SMAD4: variants seen among roughly 807,000 people sequenced by gnomAD.
SMAD4 encodes SMAD family member 4.
In SMAD4, 7 loss-of-function variants were observed where a neutral mutation model predicts 63.2. That is an observed-to-expected ratio of 0.11 (90% CI 0.06 to 0.21). The LOEUF (loss-of-function observed/expected upper bound fraction) is 0.21. Among genes scored for constraint, SMAD4 ranks in the 10% least tolerant of loss-of-function variants. The pLI is 1.00. For missense variants in SMAD4, 312 were observed against 693.8 expected (o/e 0.45, Z 6.18); for synonymous variants, 215 against 235.4 (o/e 0.91, Z 0.79).
At chr18:51,068,310 A>C (rs1340722805) in intron 10 of SMAD4, among the ~76,000 whole-genome samples, 1 of 152,210 alleles carries the variant, frequency 6.6e-6, no homozygotes, top group African/African-American at 2.4e-5. Flanking sequence ...GCACTTTACC[A>C]ATCTTTAATG....
At position 51,049,335 on chromosome 18, in the gene SMAD4, T is replaced by C. The variant is rs1171693797; in HGVS notation, c.454+11T>C. ...CACTGCAGAGTAATGGTAGGTAATC[T>C]GTTTCTTACTACTTTCTCTTTGTTT... On this transcript the variant is annotated intron_variant, in intron 4 of 11. Transcript: ENST00000342988. The C allele has an allele frequency of 6.3e-7, 1 of 1,591,340 alleles. No homozygotes were observed. Among genetic ancestry groups the C allele is most frequent in the Middle Eastern group, 1.7e-4 (1 of 5,934 alleles).
intron 1 of SMAD4, among the ~76,000 whole-genome samples, chr18:51,041,735 G>T (rs1002731491): frequency 3.9e-5 from 6 of 152,202 alleles, no homozygotes; most frequent in Non-Finnish European, 8.8e-5. Context: ...ATGTAGAAAT[G>T]GAGCCTTTGT....
At chr18:51,048,883 C>G (rs746178972) in intron 3 of SMAD4, 23 bp downstream of exon 3, 1 of 1,597,106 alleles carries the variant, frequency 6.3e-7, no homozygotes, top group Middle Eastern at 1.9e-4. Flanking sequence ...TGCTTTCATC[C>G]TAAGAAACAT....
intron 10 of SMAD4, among the ~76,000 whole-genome samples, chr18:51,068,882 C>T (rs1000798034): frequency 2.0e-5 from 3 of 152,152 alleles, no homozygotes; most frequent in Admixed American, 1.3e-4. Context: ...GATCATGCCA[C>T]TGTGCTCCAG....
chr18:51,054,569 G>C (rs1909789924), intron 4 of SMAD4: 3 of 537,880 alleles, frequency 5.6e-6, no homozygotes, highest in Non-Finnish European at 9.9e-6. Context: ...CAGATTGATT[G>C]ATAAAATATA....
intron 7 of SMAD4, among the ~76,000 whole-genome samples, chr18:51,059,522 A>T (rs1909947760): frequency 6.6e-6 from 1 of 152,272 alleles, no homozygotes; most frequent in Admixed American, 6.5e-5. Context: ...TAGACCTAAC[A>T]GTTTATTATT....
At chr18:51,076,979 A>C (rs1237402679) in intron 11 of SMAD4, 1 of 495,012 alleles carries the variant, frequency 2.0e-6, no homozygotes, top group African/African-American at 2.0e-5. Context: ...TTTTGTATCA[A>C]AAATGGAGTA....
chr18:51,073,456 A>T (rs867867567), intron 10 of SMAD4, among the ~76,000 whole-genome samples: 23 of 146,360 alleles, frequency 1.6e-4, no homozygotes, highest in Middle Eastern at 3.2e-3. Context: ...AGTGATGATT[A>T]AAAAAAAGTA....
intron 4 of SMAD4, 198 bp from the exon 5 acceptor site, chr18:51,054,583 C>T: frequency 1.8e-6 from 1 of 568,024 alleles, no homozygotes; most frequent in East Asian, 3.0e-5. Flanking sequence ...AAATATATCT[C>T]ATGCTGTTAC....
rs186933751 is a variant in SMAD4, at chr18:51,065,994, G to A, written c.1139+388G>A. On this transcript the variant is annotated intron_variant, in intron 9 of 11. Coordinates refer to ENST00000342988, the MANE Select transcript of SMAD4 (RefSeq NM_005359.6). ...TGTTAAAAAAATTGGTAATAAAAGG[G>A]AAATGGTTAAGTAAATTATGATAAA... is the stretch of plus-strand genomic sequence containing the variant. 0.013 allele frequency among the ~76,000 whole-genome samples: 2,000 copies of A among 152,238 alleles called. 17 individuals are homozygous for A. The highest frequency in any genetic ancestry group is 0.027 in the Middle Eastern group (8 of 294).
intron 5 of SMAD4, among the ~76,000 whole-genome samples, chr18:51,055,939 G>A (rs554526712): frequency 2.0e-5 from 3 of 152,192 alleles, no homozygotes; most frequent in Admixed American, 6.5e-5. Flanking sequence ...ACTGATTTCT[G>A]TAATTGTGAG....
At chr18:51,075,065 T>A (rs1358873037) in intron 10 of SMAD4, among the ~76,000 whole-genome samples, 1 of 152,202 alleles carries the variant, frequency 6.6e-6, no homozygotes. Flanking sequence ...AATACATATA[T>A]GTATATTGGA....
intron 10 of SMAD4, 52 bp downstream of exon 10, chr18:51,067,239 C>A: frequency 9.7e-7 from 1 of 1,031,644 alleles, no homozygotes. Flanking sequence ...TATTTGTTGT[C>A]AAAAGAATTG....
In SMAD4 at chr18:51,081,737, C is replaced by T. The variant is rs1185663262; in HGVS notation, c.*3270C>T. On this transcript the variant is annotated 3_prime_UTR_variant, in exon 12 of 12. Transcript: ENST00000342988. ...TTGAAGGCAAAATAAAATGTCCTGTCTCCCAGATGATATACATCTTATTAT... is the reference window on the plus strand; with the variant it reads ...TTGAAGGCAAAATAAAATGTCCTGTTTCCCAGATGATATACATCTTATTAT... 1.3e-5 allele frequency: 3 copies of T among 232,816 alleles called. No homozygotes were observed. The highest frequency in any genetic ancestry group is 1.7e-5 in the Non-Finnish European group (2 of 117,808). The allele number at this position is 232,816 out of a possible 1,614,324, so 14.4% of individuals were successfully genotyped here.
At chr18:51,060,223 A>G (rs1909971452) in intron 8 of SMAD4, among the ~76,000 whole-genome samples, 1 of 152,222 alleles carries the variant, frequency 6.6e-6, no homozygotes, top group Non-Finnish European at 1.5e-5. Flanking sequence ...TTCAAAATAG[A>G]ACAGCTGTAA....
rs781461730 is a variant in SMAD4 at position 51,079,218 on chromosome 18, A to G, written c.*751A>G. The G allele has an allele frequency of 2.1e-5, 5 of 232,892 alleles. No individual in the cohort carries two copies. The highest frequency in any genetic ancestry group is 4.2e-5 in the Non-Finnish European group (5 of 117,894). The allele number at this position is 232,892 out of a possible 1,614,324, so 14.4% of individuals were successfully genotyped here. A position where few individuals can be genotyped will look rare whatever the true frequency, so the allele number is the denominator to read the frequency against. On this transcript the variant is annotated 3_prime_UTR_variant, in exon 12 of 12. Transcript: ENST00000342988. ...TGATGAAGTATACTTTTCCCCTGTT[A>G]AACAGTAGTTGTATTCTTCTGTATT...
chr18:51,042,379 C>T (rs1352109374), intron 1 of SMAD4, among the ~76,000 whole-genome samples: 1 of 138,928 alleles, frequency 7.2e-6, no homozygotes, highest in Non-Finnish European at 1.5e-5. Flanking sequence ...CTTCCTCCCT[C>T]CCTGCCTCCC....
chr18:51,065,433 T>C lies in SMAD4; in HGVS notation c.966T>C (p.Tyr322=), dbSNP rs1465916558. The change falls in exon 9 of 12, where the codon TAT becomes TAC. Residue 322 remains tyrosine (Y), a synonymous_variant. Transcript: ENST00000342988. ...ATTTATTTCCTATAGCTCCTGAGTA[T>C]TGGTGTTCCATTGCTTACTTTGAAA... The part of the protein sequence containing the change: ...PPISNHPAPE[Y]WCSIAYFEMD... The C allele has an allele frequency of 5.0e-6, 8 of 1,613,494 alleles. No individual in the cohort carries two copies. The African/African-American group carries it at 6.7e-5, about 13-fold the overall frequency.
Position 51,030,886 on chromosome 18 carries a change from G to C in SMAD4, c.-128+263G>C, listed in dbSNP as rs149534722. 4.9e-3 allele frequency among the ~76,000 whole-genome samples: 741 copies of C among 151,786 alleles called. 1 individual carries two copies. Among genetic ancestry groups the C allele is most frequent in the Non-Finnish European group, 7.7e-3 (525 of 67,822 alleles). On this transcript the variant is annotated intron_variant, in intron 1 of 11. Transcript: ENST00000342988. ...GGGAGAATCAAGTTAAACTCGGACG[G>C]GACTCCTGCCGCGGCCGCCGCTCCT...
Sources: gnomAD v4.1 joint callset for allele counts (sites outside exome capture counted in the v4.1 genomes callset) on GRCh38, gnomAD v4.1.1 for gene constraint, MANE v1.5 for transcripts, NCBI Gene and HGNC (gene_info 2026-07-23, HGNC 2026-07-21) for gene names.